The following FRAS1 variants were observed in gnomAD, a reference collection of about 807,000 sequenced individuals.
FRAS1 encodes the protein extracellular matrix organizing protein FRAS1.
Under a neutral mutation model 435.2 loss-of-function variants are expected in FRAS1, and 290 were observed. The observed-to-expected ratio is 0.67, with a 90% confidence interval of 0.61 to 0.73. FRAS1 has a LOEUF of 0.73. Among genes scored for constraint, FRAS1 ranks in the 30% least tolerant of loss-of-function variants. FRAS1 has a pLI of 0.00. For synonymous variants in FRAS1, 1,800 were observed against 1,851.0 expected, an observed-to-expected ratio of 0.97 and a Z score of 0.71; for missense variants, 4,860 against 5,001.5, an observed-to-expected ratio of 0.97 and a Z score of 0.85.
At chr4:78,287,815 T>C (rs1341289480) in intron 14 of FRAS1, among the ~76,000 whole-genome samples, 1 of 152,122 alleles carries the variant, frequency 6.6e-6, no homozygotes, top group East Asian at 1.9e-4. Context: ...GTGGAAACCA[T>C]GTTGAAAGGA....
chr4:78,102,931 A>G (rs1380256640), intron 2 of FRAS1, among the ~76,000 whole-genome samples: 1 of 152,210 alleles, frequency 6.6e-6, no homozygotes, highest in Non-Finnish European at 1.5e-5. Flanking sequence ...CATGGGGTGT[A>G]TATGGCTTCC....
At position 78,499,764 on chromosome 4, in the gene FRAS1, A is replaced by G. The variant is rs1432494833; in HGVS notation, c.9159A>G (p.Glu3053=). The change falls in exon 61 of 74, where the codon GAA becomes GAG. Residue 3053 remains glutamate (E), a synonymous_variant. Coordinates refer to ENST00000512123, the MANE Select transcript of FRAS1 (RefSeq NM_025074.7). The part of the protein sequence containing the change: ...EFEEAAYQVR[E]PAGPDAIAIL... ...AAGAAGCTGCATACCAAGTCCGGGAACCCGCAGGCCCAGATGCCATTGCGA... is the reference window on the plus strand; with the variant it reads ...AAGAAGCTGCATACCAAGTCCGGGAGCCCGCAGGCCCAGATGCCATTGCGA... 10 of 1,613,902 alleles carry G rather than the reference A, an allele frequency of 6.2e-6. No homozygotes were observed. The highest frequency in any genetic ancestry group is 8.5e-6 in the Non-Finnish European group (10 of 1,179,828).
intron 14 of FRAS1, among the ~76,000 whole-genome samples, chr4:78,302,515 C>T (rs1275525745): frequency 2.0e-5 from 3 of 152,106 alleles, no homozygotes; most frequent in Non-Finnish European, 4.4e-5. Context: ...TCTCCAGCAC[C>T]TGTTGTTTCC....
chr4:78,477,820 G>C lies in FRAS1; in HGVS notation c.7857G>C (p.Gln2619His), dbSNP rs1719900029. Residue 2619 changes from glutamine to histidine, a missense_variant, in exon 55 of 74, where the codon CAG becomes CAC. By Grantham distance (24) the Gln-to-His change is conservative (BLOSUM62 0). Transcript: ENST00000512123. Reference sequence around the variant, plus strand: ...TGTTGGTTCCTTTGTGACAGGTCCAGTTTGATGAGCGAGAGGACACCAAGT... The same window carrying C: ...TGTTGGTTCCTTTGTGACAGGTCCACTTTGATGAGCGAGAGGACACCAAGT... ...QDYVEYAGQVQFDEREDTKSC... is the reference protein window; with the variant it reads ...QDYVEYAGQVHFDEREDTKSC... 6.2e-7 allele frequency: 1 copy of C among 1,612,172 alleles called. No homozygotes were observed. Among genetic ancestry groups the C allele is most frequent in the Non-Finnish European group, 8.5e-7 (1 of 1,178,646 alleles).
chr4:78,323,033 G>C (rs1342082607), intron 18 of FRAS1, among the ~76,000 whole-genome samples: 1 of 152,218 alleles, frequency 6.6e-6, no homozygotes, highest in Non-Finnish European at 1.5e-5. Context: ...AGAGGAATGG[G>C]CTGTTGTGGC....
intron 33 of FRAS1, among the ~76,000 whole-genome samples, chr4:78,420,918 A>ATATATATATTTATT (rs1167974462): frequency 8.4e-6 from 1 of 118,920 alleles, no homozygotes; most frequent in African/African-American, 3.3e-5. Flanking sequence ...ATATATATAT[A>ATATATATATTTATT]TATTTATATA....
At chr4:78,448,841 T>C (rs960220862) in intron 44 of FRAS1, among the ~76,000 whole-genome samples, 1 of 152,208 alleles carries the variant, frequency 6.6e-6, no homozygotes, top group Non-Finnish European at 1.5e-5. Flanking sequence ...TAAGCAACAT[T>C]GGAGGACCTG....
intron 2 of FRAS1, among the ~76,000 whole-genome samples, chr4:78,233,279 A>G (rs1034355757): frequency 1.3e-5 from 2 of 152,232 alleles, no homozygotes; most frequent in Non-Finnish European, 2.9e-5. Flanking sequence ...GCTCAAAGAC[A>G]TGGCCCATGA....
intron 47 of FRAS1, among the ~76,000 whole-genome samples, chr4:78,455,421 G>GGA (rs201928813): frequency 9.4e-5 from 6 of 63,762 alleles, no homozygotes; most frequent in Admixed American, 3.9e-4. Flanking sequence ...GAGTTGAGGA[G>GGA]GGAGGGGGTT....
intron 2 of FRAS1, among the ~76,000 whole-genome samples, chr4:78,227,184 A>G (rs10223012): frequency 0.29 from 44,136 of 152,140 alleles, 6,860 homozygotes; most frequent in East Asian, 0.37. Flanking sequence ...TTACATCATG[A>G]TAAAGTACTT....
chr4:78,357,668 A>G (rs1393062991), intron 20 of FRAS1, among the ~76,000 whole-genome samples: 1 of 152,056 alleles, frequency 6.6e-6, no homozygotes, highest in Non-Finnish European at 1.5e-5. Flanking sequence ...TTGGGAAACC[A>G]AGGAGGGAAG....
chr4:78,446,572 AAACT>A (rs1213215495), intron 42 of FRAS1, 151 bp from the exon 43 acceptor site: 8 of 1,392,634 alleles, frequency 5.7e-6, no homozygotes, highest in South Asian at 5.3e-5. Flanking sequence ...CTCTCTTTTC[AAACT>A]AACTATTTTG....
At chr4:78,311,182 CCCT>C (rs1729004744) in intron 15 of FRAS1, among the ~76,000 whole-genome samples, 2 of 151,668 alleles carry the variant, frequency 1.3e-5, no homozygotes, top group African/African-American at 4.8e-5. Context: ...TCTCTTTCTT[CCCT>C]CCTTTTTTCT....
At chr4:78,275,429 G>T (rs1032515796) in intron 9 of FRAS1, among the ~76,000 whole-genome samples, 4 of 152,132 alleles carry the variant, frequency 2.6e-5, no homozygotes, top group Non-Finnish European at 5.9e-5. Context: ...TTACAATTTG[G>T]CATGTTTTTG....
At chr4:78,392,470 T>G (rs1389421685) in intron 29 of FRAS1, among the ~76,000 whole-genome samples, 2 of 152,088 alleles carry the variant, frequency 1.3e-5, no homozygotes, top group Non-Finnish European at 2.9e-5. Context: ...GGGGGAAGTT[T>G]TCATTGTGTT....
intron 2 of FRAS1, among the ~76,000 whole-genome samples, chr4:78,073,414 A>G (rs1964669): frequency 0.65 from 98,638 of 151,938 alleles, 32,361 homozygotes; most frequent in Middle Eastern, 0.71. Context: ...TAATTTGCTC[A>G]AACTATGTTA....
At chr4:78,433,921 A>G (rs1465288878) in intron 38 of FRAS1, among the ~76,000 whole-genome samples, 2 of 152,222 alleles carry the variant, frequency 1.3e-5, no homozygotes, top group Non-Finnish European at 2.9e-5. Flanking sequence ...TCAGAAATTG[A>G]TTGAATGTGA....
chr4:78,464,679 G>A, intron 49 of FRAS1, 96 bp downstream of exon 49: 2 of 1,365,158 alleles, frequency 1.5e-6, no homozygotes, highest in East Asian at 2.4e-5. Flanking sequence ...TGGTAGGGAG[G>A]AGCTGTAAGG....
At position 78,286,468 on chromosome 4, in the gene FRAS1, T is replaced by A. The variant is rs1291633211; in HGVS notation, c.1463T>A (p.Leu488Gln). ...GAGTGCTCATCCTGCCAGCCTCCCCTGCTGATGCGGCACGGGCAGTGTGTG... is the reference window on the plus strand; with the variant it reads ...GAGTGCTCATCCTGCCAGCCTCCCCAGCTGATGCGGCACGGGCAGTGTGTG... The part of the protein sequence containing the change: ...GLECSSCQPP[L>Q]LMRHGQCVPT... The change falls in exon 14 of 74, where the codon CTG becomes CAG. Residue 488 changes from leucine (L) to glutamine (Q), a missense_variant. Transcript: ENST00000512123. 1 of 1,613,716 alleles carries A rather than the reference T, an allele frequency of 6.2e-7. No homozygotes were observed. The highest frequency in any genetic ancestry group is 2.2e-5 in the East Asian group (1 of 44,874).
Sources: gnomAD v4.1 joint callset for allele counts (sites outside exome capture counted in the v4.1 genomes callset) on GRCh38, gnomAD v4.1.1 for gene constraint, MANE v1.5 for transcripts, NCBI Gene and HGNC (gene_info 2026-07-23, HGNC 2026-07-21) for gene names.